Variants in WWOX observed in about 807,000 individuals in gnomAD.
WWOX encodes WW domain containing oxidoreductase.
WWOX carries 69 observed loss-of-function variants against 46.2 expected under a neutral mutation model. The ratio of observed to expected loss-of-function variants is 1.49; its 90% CI spans 1.23 to 1.82. The LOEUF (loss-of-function observed/expected upper bound fraction) is 1.82. WWOX is among the 40% of genes most tolerant of loss of function. The pLI is 0.00. For missense variants in WWOX, 919 were observed against 542.6 expected (o/e 1.69, Z -6.89); for synonymous variants, 359 against 202.6 (o/e 1.77, Z -6.56).
At chr16:78,138,899 G>GT (rs1351784871) in intron 4 of WWOX, among the ~76,000 whole-genome samples, 1 of 152,134 alleles carries the variant, frequency 6.6e-6, no homozygotes, top group Admixed American at 6.5e-5. Flanking sequence ...GCTCAAAGAT[G>GT]TTCCCCCCAT....
intron 4 of WWOX, among the ~76,000 whole-genome samples, chr16:78,117,091 T>A (rs2032834288): frequency 6.6e-6 from 1 of 152,222 alleles, no homozygotes; most frequent in Admixed American, 6.5e-5. Context: ...AATTTGTGGT[T>A]GCTGAGAATG....
At chr16:78,892,615 T>A (rs2044615326) in intron 8 of WWOX, among the ~76,000 whole-genome samples, 1 of 152,208 alleles carries the variant, frequency 6.6e-6, no homozygotes, top group Non-Finnish European at 1.5e-5. Context: ...TCTACTGAGA[T>A]TCTGCGTGTG....
intron 8 of WWOX, among the ~76,000 whole-genome samples, chr16:79,183,464 A>G (rs2050952406): frequency 6.6e-6 from 1 of 152,202 alleles, no homozygotes; most frequent in Non-Finnish European, 1.5e-5. Context: ...AAGAGATTAA[A>G]TGTCTTATTT....
intron 8 of WWOX, among the ~76,000 whole-genome samples, chr16:78,735,394 A>AACACACACAC (rs35975130): frequency 0.023 from 2,799 of 121,348 alleles, 93 homozygotes; most frequent in African/African-American, 0.073. Flanking sequence ...ACCACACACA[A>AACACACACAC]ACACACACAC....
intron 8 of WWOX, among the ~76,000 whole-genome samples, chr16:79,048,749 C>T (rs1267224733): frequency 1.3e-5 from 2 of 152,174 alleles, no homozygotes; most frequent in South Asian, 4.1e-4. Flanking sequence ...CCCAGCACTC[C>T]GGCTGCTGCC....
intron 8 of WWOX, among the ~76,000 whole-genome samples, chr16:78,495,163 A>G (rs2084884343): frequency 6.1e-5 from 1 of 16,292 alleles, no homozygotes; most frequent in South Asian, 2.3e-3. Flanking sequence ...TTTTTTTGAG[A>G]TAGACTCTTG....
At chr16:78,599,583 T>G (rs1056374126) in intron 8 of WWOX, among the ~76,000 whole-genome samples, 16 of 152,166 alleles carry the variant, frequency 1.1e-4, no homozygotes, top group Admixed American at 9.8e-4. Flanking sequence ...CCCACTTAAT[T>G]GTTCCTGACA....
chr16:78,831,953 G>C (rs2051839250), intron 8 of WWOX, among the ~76,000 whole-genome samples: 1 of 152,150 alleles, frequency 6.6e-6, no homozygotes. Flanking sequence ...ATAACTACCT[G>C]TGTTGCTCTT....
At chr16:78,209,231 C>T (rs900304892) in intron 5 of WWOX, among the ~76,000 whole-genome samples, 2 of 133,656 alleles carry the variant, frequency 1.5e-5, no homozygotes, top group African/African-American at 5.5e-5. Flanking sequence ...GTGACTGTGA[C>T]GTTACCTGAG....
intron 8 of WWOX, among the ~76,000 whole-genome samples, chr16:79,184,160 C>G (rs930288238): frequency 1.3e-5 from 2 of 152,186 alleles, no homozygotes; most frequent in South Asian, 2.1e-4. Flanking sequence ...AACCCTCCCC[C>G]AAATGCTCAG....
chr16:78,529,808 T>C (rs1343854864), intron 8 of WWOX, among the ~76,000 whole-genome samples: 2 of 152,144 alleles, frequency 1.3e-5, no homozygotes, highest in Admixed American at 6.5e-5. Flanking sequence ...TACCTAGGAT[T>C]ATAAAGGGAG....
At chr16:78,513,657 A>C (rs1207881287) in intron 8 of WWOX, among the ~76,000 whole-genome samples, 2 of 152,212 alleles carry the variant, frequency 1.3e-5, no homozygotes, top group Admixed American at 6.5e-5. Flanking sequence ...AAATATACAG[A>C]GGTGGTGTAA....
intron 8 of WWOX, among the ~76,000 whole-genome samples, chr16:78,635,787 G>T (rs2046552781): frequency 6.6e-6 from 1 of 152,190 alleles, no homozygotes; most frequent in Admixed American, 6.5e-5. Context: ...GGATGTCCAT[G>T]TTGGAAAAAC....
intron 5 of WWOX, among the ~76,000 whole-genome samples, chr16:78,288,210 A>G (rs1483436951): frequency 6.6e-6 from 1 of 152,034 alleles, no homozygotes; most frequent in Non-Finnish European, 1.5e-5. Context: ...CCGGTGAAAC[A>G]TGAACAATAT....
intron 8 of WWOX, chr16:78,534,487 C>G (rs1186399880): frequency 2.0e-5 from 3 of 152,192 alleles, no homozygotes; most frequent in Admixed American, 6.5e-5. Context: ...TCCACAGCAT[C>G]TCATTTCTGC....
chr16:78,231,901 T>G (rs970976832), intron 5 of WWOX, among the ~76,000 whole-genome samples: 11 of 152,100 alleles, frequency 7.2e-5, no homozygotes, highest in Admixed American at 2.6e-4. Flanking sequence ...AATCTTGATT[T>G]TTTTTTTCCT....
At chr16:79,122,748 G>T (rs554992196) in intron 8 of WWOX, among the ~76,000 whole-genome samples, 2 of 152,278 alleles carry the variant, frequency 1.3e-5, no homozygotes, top group East Asian at 3.9e-4. Flanking sequence ...ATGGTGAAAG[G>T]CCCAGATTTA....
intron 8 of WWOX, among the ~76,000 whole-genome samples, chr16:78,604,501 C>G (rs1450402817): frequency 4.6e-5 from 7 of 152,150 alleles, no homozygotes; most frequent in African/African-American, 1.4e-4. Context: ...ACAAAACTTT[C>G]ACCATTCTTT....
chr16:78,599,794 A>T (rs929654828), intron 8 of WWOX, among the ~76,000 whole-genome samples: 1 of 152,012 alleles, frequency 6.6e-6, no homozygotes, highest in African/African-American at 2.4e-5. Context: ...CAGTCTCTGC[A>T]CTCTGGGTCT....
Sources: gnomAD v4.1 joint callset for allele counts (sites outside exome capture counted in the v4.1 genomes callset) on GRCh38, gnomAD v4.1.1 for gene constraint, MANE v1.5 for transcripts, NCBI Gene and HGNC (gene_info 2026-07-23, HGNC 2026-07-21) for gene names.